Variants in GAB2 observed in about 807,000 individuals in gnomAD.
The protein encoded by GAB2 is GRB2 associated binding protein 2.
In GAB2, 26 loss-of-function variants were observed where a neutral mutation model predicts 65.5. The ratio of observed to expected loss-of-function variants is 0.40; its 90% confidence interval spans 0.29 to 0.55. GAB2 has a LOEUF of 0.55. GAB2 is among the 20% of genes least tolerant of loss of function. The pLI is 0.53. For synonymous variants in GAB2, 321 were observed against 329.6 expected, an observed-to-expected ratio of 0.97 and a Z score of 0.28; for missense variants, 884 against 875.8, an observed-to-expected ratio of 1.01 and a Z score of -0.12.
chr11:78,377,731 T>TGA, intron 1 of GAB2, among the ~76,000 whole-genome samples: 1 of 152,290 alleles, frequency 6.6e-6, no homozygotes, highest in Middle Eastern at 3.4e-3. Flanking sequence ...AAAGATTAAA[T>TGA]GAGATGCAAT....
Position 78,219,326 on chromosome 11 carries a change from C to T in GAB2, c.1977G>A (p.Gln659=). 1 of 1,613,976 alleles carries T rather than the reference C, an allele frequency of 6.2e-7. No homozygotes were observed. The highest frequency in any genetic ancestry group is 1.1e-5 in the South Asian group (1 of 91,074). The part of the protein sequence containing the change: ...EKTQALQNTM[Q]EWTDVRQSSE... ...AGGACTGCCGCACGTCTGTCCACTC[C>T]TGCATGGTGTTCTGCAGGGCCTGGG... Residue 659 remains glutamine, a synonymous_variant, in exon 10 of 10, where the codon CAG becomes CAA. Coordinates refer to ENST00000361507, the MANE Select transcript of GAB2 (RefSeq NM_080491.3).
intron 2 of GAB2, among the ~76,000 whole-genome samples, chr11:78,273,447 G>A (rs1193270421): frequency 1.3e-5 from 2 of 152,230 alleles, no homozygotes; most frequent in African/African-American, 4.8e-5. Context: ...CTGCCCCACT[G>A]GATTTTGGAC....
intron 1 of GAB2, among the ~76,000 whole-genome samples, chr11:78,334,199 C>A (rs185698850): frequency 6.6e-6 from 1 of 152,156 alleles, no homozygotes; most frequent in Admixed American, 6.5e-5. Flanking sequence ...ATAATCACAT[C>A]ATGGAGAATA....
chr11:78,400,248 G>A (rs564059527), intron 1 of GAB2, among the ~76,000 whole-genome samples: 6 of 152,206 alleles, frequency 3.9e-5, no homozygotes, highest in African/African-American at 1.2e-4. Context: ...CTTATCTCTT[G>A]AGTCCAACTC....
At chr11:78,395,885 T>A (rs1441375726) in intron 1 of GAB2, among the ~76,000 whole-genome samples, 3 of 152,158 alleles carry the variant, frequency 2.0e-5, no homozygotes, top group Non-Finnish European at 2.9e-5. Flanking sequence ...TTTTTATGAT[T>A]ACATGAGGAT....
rs190282164 is a variant in GAB2 at position 78,414,868 on chromosome 11, G to T, written c.75+2778C>A. On this transcript the variant is annotated intron_variant, in intron 1 of 9. Transcript: ENST00000361507. The stretch of plus-strand genomic sequence containing the variant: ...ACACCTTCCCGTCTTTCCGAATTAA[G>T]TAAGTTTTTTTGTTTTTCTTTGAAA... Among the ~76,000 whole-genome samples, 352 of 152,180 alleles carry T rather than the reference G, an allele frequency of 2.3e-3. 2 individuals carry two copies. The highest frequency in any genetic ancestry group is 7.3e-3 in the African/African-American group (302 of 41,512).
In GAB2 at chr11:78,394,584, G is replaced by T. The variant is rs143754931; in HGVS notation, c.75+23062C>A. Among the ~76,000 whole-genome samples, 682 of 152,356 alleles carry T rather than the reference G, an allele frequency of 4.5e-3. 4 individuals are homozygous for T. The highest frequency in any genetic ancestry group is 0.016 in the African/African-American group (659 of 41,584). On this transcript the variant is annotated intron_variant, in intron 1 of 9. Transcript: ENST00000361507. ...AAAGTGTAATGTCTTGTGAATATCT[G>T]ATCAGGCAGTCGACTTACAGATTTG...
chr11:78,403,002 T>C (rs1399161558), intron 1 of GAB2, among the ~76,000 whole-genome samples: 1 of 152,234 alleles, frequency 6.6e-6, no homozygotes, highest in Non-Finnish European at 1.5e-5. Flanking sequence ...GAGGAGCTTC[T>C]TTCCCTCTTC....
chr11:78,374,484 T>G (rs1032770478), intron 1 of GAB2, among the ~76,000 whole-genome samples: 2 of 152,192 alleles, frequency 1.3e-5, no homozygotes, highest in Admixed American at 1.3e-4. Flanking sequence ...CTAGTCCTAG[T>G]GCCAATTCTG....
At chr11:78,370,181 C>T (rs937890975) in intron 1 of GAB2, among the ~76,000 whole-genome samples, 6 of 149,042 alleles carry the variant, frequency 4.0e-5, no homozygotes, top group South Asian at 4.2e-4. Context: ...GGCGTGAACC[C>T]GGGAGGCGGA....
At chr11:78,246,904 C>T (rs1256009901) in intron 3 of GAB2, among the ~76,000 whole-genome samples, 2 of 152,200 alleles carry the variant, frequency 1.3e-5, no homozygotes, top group Non-Finnish European at 2.9e-5. Flanking sequence ...TTCACATAGG[C>T]TTTGTTGCAC....
chr11:78,375,690 G>GAACACCTCAAAATTTATAAAGCTTACAT (rs1481064030), intron 1 of GAB2, among the ~76,000 whole-genome samples: 17 of 152,236 alleles, frequency 1.1e-4, no homozygotes, highest in Admixed American at 2.6e-4. Flanking sequence ...GAAAAGGCCC[G>GAACACCTCAAAATTTATAAAGCTTACAT]AACACCTCAA....
At chr11:78,408,412 A>C (rs1857082856) in intron 1 of GAB2, among the ~76,000 whole-genome samples, 1 of 152,244 alleles carries the variant, frequency 6.6e-6, no homozygotes, top group Admixed American at 6.5e-5. Flanking sequence ...ACTCAAAAAC[A>C]CTATATAGAT....
intron 3 of GAB2, among the ~76,000 whole-genome samples, chr11:78,232,389 AAGAC>A (rs1225842482): frequency 6.6e-6 from 1 of 152,216 alleles, no homozygotes; most frequent in Non-Finnish European, 1.5e-5. Context: ...TTGAAATAAG[AAGAC>A]AGACACTGGC....
chr11:78,398,576 T>A (rs2135076034), intron 1 of GAB2, among the ~76,000 whole-genome samples: 1 of 152,306 alleles, frequency 6.6e-6, no homozygotes, highest in African/African-American at 2.4e-5. Flanking sequence ...AAATTTTTCA[T>A]AATTAAAAAT....
At chr11:78,338,467 G>T (rs1287284924) in intron 1 of GAB2, among the ~76,000 whole-genome samples, 1 of 152,086 alleles carries the variant, frequency 6.6e-6, no homozygotes, top group African/African-American at 2.4e-5. Flanking sequence ...CCAAAGGCAG[G>T]AACTGCTTAT....
chr11:78,309,660 T>C (rs1406553806), intron 1 of GAB2, among the ~76,000 whole-genome samples: 2 of 152,010 alleles, frequency 1.3e-5, no homozygotes, highest in Admixed American at 1.3e-4. Flanking sequence ...AAAACCTGTC[T>C]TGACAGAGCA....
chr11:78,308,626 T>C (rs563041833), intron 1 of GAB2, among the ~76,000 whole-genome samples: 1 of 152,264 alleles, frequency 6.6e-6, no homozygotes, highest in African/African-American at 2.4e-5. Flanking sequence ...GAAGCGAGTA[T>C]AAAAATGTGA....
chr11:78,316,357 C>T (rs1439427792), intron 1 of GAB2, among the ~76,000 whole-genome samples: 1 of 152,086 alleles, frequency 6.6e-6, no homozygotes. Context: ...TTCATATATA[C>T]ATATTATTAG....
Sources: allele counts gnomAD v4.1 joint callset (sites outside exome capture counted in the v4.1 genomes callset), GRCh38; gene constraint gnomAD v4.1.1; transcripts MANE v1.5; gene names NCBI Gene and HGNC (gene_info 2026-07-23, HGNC 2026-07-21).